CACNA2D3: variants seen among roughly 807,000 people sequenced by gnomAD.
The protein encoded by CACNA2D3 is calcium voltage-gated channel auxiliary subunit alpha2delta 3.
Under a neutral mutation model 160.6 loss-of-function variants are expected in CACNA2D3, and 60 were observed. That is an observed-to-expected ratio of 0.37 (90% CI 0.30 to 0.46). CACNA2D3 has a LOEUF of 0.46. CACNA2D3 is among the 20% of genes least tolerant of loss of function. The pLI, the probability that CACNA2D3 is intolerant of heterozygous loss-of-function variation, is 1.00. For missense variants in CACNA2D3, 1,205 were observed against 1,365.0 expected, an observed-to-expected ratio of 0.88 and a Z score of 1.85; for synonymous variants, 558 against 492.9, an observed-to-expected ratio of 1.13 and a Z score of -1.75.
intron 2 of CACNA2D3, among the ~76,000 whole-genome samples, chr3:54,196,168 T>C (rs1251893677): frequency 6.6e-6 from 1 of 152,272 alleles, no homozygotes; most frequent in Non-Finnish European, 1.5e-5. Flanking sequence ...TCTACTGAAA[T>C]ACGTATTACT....
intron 11 of CACNA2D3, among the ~76,000 whole-genome samples, chr3:54,676,106 A>G (rs934784890): frequency 1.3e-5 from 2 of 152,148 alleles, no homozygotes; most frequent in African/African-American, 4.8e-5. Flanking sequence ...CGTCTTTAGT[A>G]ACATCAACCA....
chr3:54,980,545 G>A (rs1304594562), intron 29 of CACNA2D3, among the ~76,000 whole-genome samples: 1 of 151,602 alleles, frequency 6.6e-6, no homozygotes, highest in Non-Finnish European at 1.5e-5. Context: ...TGTTTCCTTG[G>A]TGGTCTCAAA....
chr3:55,073,045 G>A (rs1406857896), intron 35 of CACNA2D3, among the ~76,000 whole-genome samples: 1 of 152,208 alleles, frequency 6.6e-6, no homozygotes. Flanking sequence ...AGGGAAGGAG[G>A]AGAGAAAACG....
intron 11 of CACNA2D3, among the ~76,000 whole-genome samples, chr3:54,751,911 G>A (rs960048855): frequency 2.6e-5 from 4 of 152,120 alleles, no homozygotes; most frequent in Admixed American, 2.6e-4. Flanking sequence ...TTAACCTTAA[G>A]TACCATCTGG....
intron 2 of CACNA2D3, among the ~76,000 whole-genome samples, chr3:54,161,231 A>T (rs1700338291): frequency 6.6e-6 from 1 of 152,190 alleles, no homozygotes; most frequent in African/African-American, 2.4e-5. Flanking sequence ...AGCCCTCTGC[A>T]CCCAAACCCA....
chr3:54,269,301 C>G lies in CACNA2D3; in HGVS notation c.205-51141C>G, dbSNP rs150411981. 4.3e-3 allele frequency among the ~76,000 whole-genome samples: 654 copies of G among 151,754 alleles called. 17 individuals are homozygous for G. In the South Asian group the frequency reaches 0.077, roughly 18 times the overall value. ...ATATTGCTGGATCTAGTGTGTGGGCCCCTCTTTTATGATTTAGCATTTCTC... is the reference window on the plus strand; with the variant it reads ...ATATTGCTGGATCTAGTGTGTGGGCGCCTCTTTTATGATTTAGCATTTCTC... On this transcript the variant is annotated intron_variant, in intron 2 of 37. Transcript: ENST00000474759.
intron 13 of CACNA2D3, among the ~76,000 whole-genome samples, chr3:54,813,492 T>C (rs962288432): frequency 6.6e-6 from 1 of 152,198 alleles, no homozygotes; most frequent in Non-Finnish European, 1.5e-5. Flanking sequence ...TCTATTCCTC[T>C]AGCAGATATA....
chr3:54,490,322 C>T (rs576344762), intron 4 of CACNA2D3, among the ~76,000 whole-genome samples: 34 of 25,028 alleles, frequency 1.4e-3, no homozygotes, highest in African/African-American at 4.0e-3. Flanking sequence ...AAGCACCGTT[C>T]CATCCCTGCG....
chr3:54,205,075 T>G, intron 2 of CACNA2D3, among the ~76,000 whole-genome samples: 1 of 151,408 alleles, frequency 6.6e-6, no homozygotes, highest in East Asian at 1.9e-4. Flanking sequence ...AGACATGGAG[T>G]TAGGTAAAAG....
chr3:54,894,951 A>C (rs1453110812), intron 25 of CACNA2D3, among the ~76,000 whole-genome samples: 2 of 151,546 alleles, frequency 1.3e-5, no homozygotes, highest in Non-Finnish European at 2.9e-5. Context: ...ACATGACTCC[A>C]AAGTTGGCCT....
At chr3:54,665,283 T>C (rs1700041798) in intron 11 of CACNA2D3, among the ~76,000 whole-genome samples, 1 of 152,222 alleles carries the variant, frequency 6.6e-6, no homozygotes. Flanking sequence ...CTTTGCTGGA[T>C]ATTACATAAT....
At chr3:54,762,515 G>T (rs186103649) in intron 12 of CACNA2D3, among the ~76,000 whole-genome samples, 1 of 152,170 alleles carries the variant, frequency 6.6e-6, no homozygotes, top group African/African-American at 2.4e-5. Context: ...CAGGCCCCAG[G>T]GGGGGCAGGG....
intron 24 of CACNA2D3, among the ~76,000 whole-genome samples, chr3:54,888,323 C>T (rs898398689): frequency 6.6e-5 from 10 of 152,240 alleles, no homozygotes; most frequent in Non-Finnish European, 1.5e-4. Flanking sequence ...GAGAGGGAGG[C>T]GGAAGGGAAC....
At chr3:54,772,489 T>G (rs1043372636) in intron 13 of CACNA2D3, among the ~76,000 whole-genome samples, 5 of 143,888 alleles carry the variant, frequency 3.5e-5, no homozygotes, top group African/African-American at 1.3e-4. Flanking sequence ...ATTTAACCAA[T>G]TCTAGAATCA....
At chr3:54,815,081 T>A (rs1051120471) in intron 13 of CACNA2D3, among the ~76,000 whole-genome samples, 1 of 152,236 alleles carries the variant, frequency 6.6e-6, no homozygotes, top group African/African-American at 2.4e-5. Flanking sequence ...TTTTTAAAAG[T>A]GATTCCTCAT....
At chr3:54,308,993 T>A (rs1441856159) in intron 2 of CACNA2D3, among the ~76,000 whole-genome samples, 2 of 152,250 alleles carry the variant, frequency 1.3e-5, no homozygotes, top group Non-Finnish European at 2.9e-5. Flanking sequence ...TTGGTGTGCA[T>A]AAAGACACTT....
intron 11 of CACNA2D3, among the ~76,000 whole-genome samples, chr3:54,698,656 A>G (rs978782177): frequency 1.2e-4 from 19 of 152,216 alleles, no homozygotes; most frequent in Admixed American, 6.5e-4. Flanking sequence ...ATGAGAACGT[A>G]CAAGTAAGCA....
intron 29 of CACNA2D3, among the ~76,000 whole-genome samples, chr3:54,973,547 G>T (rs1702321198): frequency 1.3e-5 from 2 of 152,162 alleles, no homozygotes; most frequent in African/African-American, 2.4e-5. Context: ...CTTTTCTAAG[G>T]CTTGTAGGCA....
intron 5 of CACNA2D3, among the ~76,000 whole-genome samples, chr3:54,543,687 C>A (rs755838526): frequency 1.3e-5 from 2 of 152,178 alleles, no homozygotes; most frequent in African/African-American, 2.4e-5. Context: ...GAGGACCCCA[C>A]TGAGGAATAG....
Sources: gnomAD v4.1 joint callset for allele counts (sites outside exome capture counted in the v4.1 genomes callset) on GRCh38, gnomAD v4.1.1 for gene constraint, MANE v1.5 for transcripts, NCBI Gene and HGNC (gene_info 2026-07-23, HGNC 2026-07-21) for gene names.